DNER: variants seen among roughly 807,000 people sequenced by gnomAD.
The protein encoded by DNER is delta and Notch-like epidermal growth factor-related receptor.
Under a neutral mutation model 78.2 loss-of-function variants are expected in DNER, and 33 were observed. That is an observed-to-expected ratio of 0.42 (90% CI 0.32 to 0.56). The LOEUF is 0.56. DNER is among the 20% of genes least tolerant of loss of function. DNER has a pLI of 0.11. For synonymous variants in DNER, 417 were observed against 384.8 expected, an observed-to-expected ratio of 1.08 and a Z score of -0.98; for missense variants, 918 against 975.3, an observed-to-expected ratio of 0.94 and a Z score of 0.78.
At chr2:229,657,646 G>A (rs1398722422) in intron 1 of DNER, among the ~76,000 whole-genome samples, 2 of 152,192 alleles carry the variant, frequency 1.3e-5, no homozygotes, top group African/African-American at 4.8e-5. Flanking sequence ...GCCATACGAT[G>A]TGACAAGAAG....
chr2:229,690,778 G>T (rs991630688), intron 1 of DNER, among the ~76,000 whole-genome samples: 2 of 152,206 alleles, frequency 1.3e-5, no homozygotes, highest in East Asian at 3.8e-4. Context: ...GAGGTAGAAA[G>T]TGACAAACAT....
chr2:229,436,546 G>A (rs1467438468), intron 8 of DNER, among the ~76,000 whole-genome samples: 2 of 152,178 alleles, frequency 1.3e-5, no homozygotes, highest in Admixed American at 6.5e-5. Context: ...GGCAGCTAGA[G>A]AGAAGGAGCA....
intron 8 of DNER, among the ~76,000 whole-genome samples, chr2:229,428,004 G>A (rs549860489): frequency 7.3e-5 from 11 of 150,938 alleles, no homozygotes; most frequent in African/African-American, 1.2e-4. Flanking sequence ...GAACCCGGGA[G>A]GCAGAGGTTG....
chr2:229,396,181 T>A (rs1693136823), intron 10 of DNER, among the ~76,000 whole-genome samples: 1 of 152,162 alleles, frequency 6.6e-6, no homozygotes, highest in Non-Finnish European at 1.5e-5. Flanking sequence ...GTGTCATGGG[T>A]GATATATCCC....
intron 1 of DNER, among the ~76,000 whole-genome samples, chr2:229,628,880 C>T (rs1465198605): frequency 2.0e-5 from 3 of 152,186 alleles, no homozygotes; most frequent in African/African-American, 4.8e-5. Context: ...AGGATCTGAC[C>T]ACTGACGTTT....
intron 7 of DNER, among the ~76,000 whole-genome samples, chr2:229,467,597 A>C (rs1464354776): frequency 2.6e-5 from 4 of 152,158 alleles, no homozygotes; most frequent in African/African-American, 9.7e-5. Flanking sequence ...AAAAACAAAA[A>C]TTTCACTTTA....
chr2:229,491,376 T>A (rs1021718090), intron 6 of DNER, among the ~76,000 whole-genome samples: 1 of 152,212 alleles, frequency 6.6e-6, no homozygotes, highest in Non-Finnish European at 1.5e-5. Context: ...CCCTCTTTCA[T>A]GAGGGTACTA....
chr2:229,684,851 C>T (rs959729104), intron 1 of DNER, among the ~76,000 whole-genome samples: 7 of 152,176 alleles, frequency 4.6e-5, no homozygotes, highest in Admixed American at 3.3e-4. Flanking sequence ...GCAGTATGGG[C>T]TGTTTTCCAA....
At chr2:229,662,076 A>G (rs1383605690) in intron 1 of DNER, among the ~76,000 whole-genome samples, 2 of 152,174 alleles carry the variant, frequency 1.3e-5, no homozygotes, top group African/African-American at 4.8e-5. Flanking sequence ...AATCTGGAGC[A>G]CTCAATTTAG....
chr2:229,712,338 C>G (rs147101482), intron 1 of DNER, among the ~76,000 whole-genome samples: 156 of 152,302 alleles, frequency 1.0e-3, no homozygotes, highest in African/African-American at 3.5e-3. Flanking sequence ...CTTTAGGTGG[C>G]ACTAAAGAGC....
At chr2:229,512,654 A>G (rs938310267) in intron 6 of DNER, 129 bp downstream of exon 6, 18 of 1,320,168 alleles carry the variant, frequency 1.4e-5, no homozygotes, top group Middle Eastern at 3.8e-4. Context: ...AACCTCACAA[A>G]TCACCAAAAA....
chr2:229,442,253 C>T (rs1166454966), intron 8 of DNER, among the ~76,000 whole-genome samples: 2 of 152,174 alleles, frequency 1.3e-5, no homozygotes, highest in Non-Finnish European at 2.9e-5. Flanking sequence ...GCAGTGCTCA[C>T]GCCTGTAATC....
chr2:229,597,925 T>C (rs1047101539), intron 1 of DNER, among the ~76,000 whole-genome samples: 2 of 152,242 alleles, frequency 1.3e-5, no homozygotes, highest in African/African-American at 2.4e-5. Context: ...AGGCCAGACC[T>C]GAGCGAGGGT....
chr2:229,596,836 A>G (rs1346575647), intron 1 of DNER, among the ~76,000 whole-genome samples: 1 of 151,684 alleles, frequency 6.6e-6, no homozygotes, highest in Non-Finnish European at 1.5e-5. Flanking sequence ...AAGAGAGGAC[A>G]AAAGCTAAAA....
chr2:229,489,534 G>A (rs1695349710), intron 6 of DNER, among the ~76,000 whole-genome samples: 1 of 151,700 alleles, frequency 6.6e-6, no homozygotes. Context: ...TGGTGAGGAG[G>A]AGGGGGAGGA....
chr2:229,678,257 G>T (rs1699328814), intron 1 of DNER, among the ~76,000 whole-genome samples: 1 of 152,142 alleles, frequency 6.6e-6, no homozygotes, highest in African/African-American at 2.4e-5. Flanking sequence ...TTTCCCAACA[G>T]CTTTCCCAGT....
intron 11 of DNER, among the ~76,000 whole-genome samples, chr2:229,372,811 G>C (rs1692515862): frequency 6.6e-6 from 1 of 152,084 alleles, no homozygotes; most frequent in African/African-American, 2.4e-5. Flanking sequence ...AGAGAGAGGG[G>C]AATGGATGTG....
Position 229,441,699 on chromosome 2 carries a change from G to C in DNER, c.1486+5617C>G, listed in dbSNP as rs191392932. ...ATTTTGCGGGTTGCAGGGTGACCTT[G>C]TTTTTGTATTGGACAAAATTATAAA... On this transcript the variant is annotated intron_variant, in intron 8 of 12. Coordinates refer to ENST00000341772, the MANE Select transcript of DNER (RefSeq NM_139072.4). 5.0e-4 allele frequency among the ~76,000 whole-genome samples: 76 copies of C among 152,280 alleles called. 1 individual carries two copies. The Middle Eastern group carries it at 0.017, about 34-fold the overall frequency.
intron 12 of DNER, among the ~76,000 whole-genome samples, chr2:229,360,881 T>C (rs1692194669): frequency 6.6e-6 from 1 of 152,214 alleles, no homozygotes; most frequent in East Asian, 1.9e-4. Context: ...GGTCATAAAG[T>C]ATAATGCTAG....
Sources: gnomAD v4.1 joint callset for allele counts (sites outside exome capture counted in the v4.1 genomes callset) on GRCh38, gnomAD v4.1.1 for gene constraint, MANE v1.5 for transcripts, NCBI Gene and HGNC (gene_info 2026-07-23, HGNC 2026-07-21) for gene names.